IL1RAPL2: variants seen among roughly 807,000 people sequenced by gnomAD.
The protein encoded by IL1RAPL2 is X-linked interleukin-1 receptor accessory protein-like 2.
Under a neutral mutation model 44.1 loss-of-function variants are expected in IL1RAPL2, and 3 were observed. The observed-to-expected ratio is 0.07, with a 90% CI of 0.03 to 0.18. The LOEUF is 0.18. Ranked by LOEUF, IL1RAPL2 falls within the 10% of genes least tolerant of loss-of-function variation. The pLI, the probability that IL1RAPL2 is intolerant of heterozygous loss-of-function variation, is 1.00. For missense variants in IL1RAPL2, 391 were observed against 496.4 expected, an observed-to-expected ratio of 0.79 and a Z score of 2.02; for synonymous variants, 181 against 178.8, an observed-to-expected ratio of 1.01 and a Z score of -0.10.
At chrX:104,960,056 T>C (rs1377963966) in intron 2 of IL1RAPL2, among the ~76,000 whole-genome samples, 1 of 112,341 alleles carries the variant, frequency 8.9e-6, no homozygotes, top group African/African-American at 3.2e-5. Context: ...GAAATACACT[T>C]ATTTATTTTT....
At chrX:104,621,393 G>A (rs772975778) in intron 1 of IL1RAPL2, among the ~76,000 whole-genome samples, 1 of 109,429 alleles carries the variant, frequency 9.1e-6, no homozygotes. Context: ...CTGGCATCCA[G>A]GACCAGCTTG....
At chrX:104,677,868 C>G (rs967544592) in intron 2 of IL1RAPL2, among the ~76,000 whole-genome samples, 8 of 111,977 alleles carry the variant, frequency 7.1e-5, no homozygotes, top group African/African-American at 1.6e-4. Flanking sequence ...TCCAGGTGCC[C>G]TCCGTCACCC....
intron 6 of IL1RAPL2, among the ~76,000 whole-genome samples, chrX:105,715,398 A>G (rs1474873065): frequency 8.9e-6 from 1 of 112,039 alleles, no homozygotes; most frequent in Non-Finnish European, 1.9e-5. Flanking sequence ...CACAATTTAT[A>G]GATTTTTGTG....
At chrX:104,810,679 A>G (rs925435227) in intron 2 of IL1RAPL2, among the ~76,000 whole-genome samples, 1 of 111,873 alleles carries the variant, frequency 8.9e-6, no homozygotes, top group Non-Finnish European at 1.9e-5. Context: ...TCAATGCAGC[A>G]TAACCTAGCC....
intron 2 of IL1RAPL2, among the ~76,000 whole-genome samples, chrX:104,829,311 A>T (rs1039283770): frequency 8.9e-6 from 1 of 112,034 alleles, no homozygotes; most frequent in African/African-American, 3.2e-5. Flanking sequence ...CCATGGGAAA[A>T]GCATAGTATC....
intron 1 of IL1RAPL2, among the ~76,000 whole-genome samples, chrX:104,574,704 T>G (rs1928213594): frequency 8.9e-6 from 1 of 112,077 alleles, no homozygotes; most frequent in Admixed American, 9.5e-5. Context: ...TTTAATCAGT[T>G]ACTTGGACAC....
intron 2 of IL1RAPL2, among the ~76,000 whole-genome samples, chrX:105,024,820 G>T (rs1481652717): frequency 1.8e-5 from 2 of 111,218 alleles, no homozygotes; most frequent in African/African-American, 6.5e-5. Context: ...ATTTGTCCAG[G>T]GATTCTCATT....
intron 2 of IL1RAPL2, among the ~76,000 whole-genome samples, chrX:104,908,459 G>T (rs1447450108): frequency 5.4e-5 from 6 of 111,354 alleles, no homozygotes; most frequent in Non-Finnish European, 1.1e-4. Context: ...TCCTTTCCAT[G>T]TTTAGCACTT....
At chrX:104,810,364 T>C (rs1932965927) in intron 2 of IL1RAPL2, among the ~76,000 whole-genome samples, 3 of 110,648 alleles carry the variant, frequency 2.7e-5, no homozygotes, top group South Asian at 3.9e-4. Flanking sequence ...TGTATACATA[T>C]GTAACTAACC....
intron 1 of IL1RAPL2, among the ~76,000 whole-genome samples, chrX:104,585,353 T>G (rs1392619644): frequency 1.0e-4 from 2 of 19,689 alleles, no homozygotes; most frequent in Non-Finnish European, 1.4e-4. Flanking sequence ...TTATATATAT[T>G]ATATATATTA....
chrX:104,582,822 C>CTTTCTTTCTCTTTCTTTCTTTCTTTCTT (rs748809592), intron 1 of IL1RAPL2, among the ~76,000 whole-genome samples: 7 of 40,663 alleles, frequency 1.7e-4, no homozygotes, highest in Admixed American at 4.1e-4. Context: ...TCCTTTCTTT[C>CTTTCTTTCTCTTTCTTTCTTTCTTTCTT]TCTTTCTTTC....
intron 5 of IL1RAPL2, among the ~76,000 whole-genome samples, chrX:105,271,311 G>C (rs1226705472): frequency 8.9e-6 from 1 of 111,980 alleles, no homozygotes; most frequent in African/African-American, 3.2e-5. Flanking sequence ...CATAGGGAAG[G>C]GTTTAACAAC....
At chrX:105,445,024 G>T (rs2147757218) in intron 5 of IL1RAPL2, among the ~76,000 whole-genome samples, 1 of 111,525 alleles carries the variant, frequency 9.0e-6, no homozygotes, top group South Asian at 3.7e-4. Context: ...TCAGTTCCCA[G>T]GCTTTTCTTT....
chrX:105,667,456 A>G (rs1188262882), intron 6 of IL1RAPL2, among the ~76,000 whole-genome samples: 15 of 112,368 alleles, frequency 1.3e-4, no homozygotes, highest in Non-Finnish European at 2.8e-4. Context: ...AATCAGAATT[A>G]TTCCAATCAC....
chrX:105,268,115 G>A (rs985763970), intron 5 of IL1RAPL2, among the ~76,000 whole-genome samples: 5 of 111,675 alleles, frequency 4.5e-5, no homozygotes, highest in Non-Finnish European at 7.5e-5. Flanking sequence ...ATTCTTACTT[G>A]TTAGAGAATT....
At chrX:104,973,668 A>G (rs1248718528) in intron 2 of IL1RAPL2, among the ~76,000 whole-genome samples, 2 of 111,863 alleles carry the variant, frequency 1.8e-5, no homozygotes, top group African/African-American at 3.2e-5. Flanking sequence ...ATTATAAACA[A>G]TTTTCTTTTA....
intron 2 of IL1RAPL2, among the ~76,000 whole-genome samples, chrX:104,914,796 A>G (rs1018524556): frequency 7.3e-5 from 8 of 109,472 alleles, no homozygotes; most frequent in Non-Finnish European, 1.5e-4. Context: ...ATTCCCATCT[A>G]TGAGTGAGAA....
At chrX:105,532,279 A>C (rs1385806945) in intron 6 of IL1RAPL2, among the ~76,000 whole-genome samples, 2 of 111,636 alleles carry the variant, frequency 1.8e-5, no homozygotes, top group Non-Finnish European at 3.8e-5. Context: ...CCTGCATTTT[A>C]TATTTGCACC....
chrX:104,947,949 T>C (rs1469693551), intron 2 of IL1RAPL2, among the ~76,000 whole-genome samples: 4 of 111,796 alleles, frequency 3.6e-5, no homozygotes, highest in African/African-American at 1.3e-4. Context: ...TCCAATTCTG[T>C]GAAGAAAGTC....
Sources: gnomAD v4.1 joint callset for allele counts (sites outside exome capture counted in the v4.1 genomes callset) on GRCh38, gnomAD v4.1.1 for gene constraint, MANE v1.5 for transcripts, NCBI Gene and HGNC (gene_info 2026-07-23, HGNC 2026-07-21) for gene names.